Variants in KANK1 observed in about 807,000 individuals in gnomAD.
KANK1 encodes the protein KN motif and ankyrin repeat domain-containing protein 1.
KANK1 carries 109 observed loss-of-function variants against 106.2 expected under a neutral mutation model. The ratio of observed to expected loss-of-function variants is 1.03; its 90% CI spans 0.88 to 1.20. The LOEUF (loss-of-function observed/expected upper bound fraction) is 1.20, where lower values mean the gene tolerates loss of function less well. Ranked by LOEUF, KANK1 falls within the 50% of genes most tolerant of loss-of-function variation. The pLI is 0.00. For missense variants in KANK1, 2,399 were observed against 1,710.7 expected (o/e 1.40, Z -7.10); for synonymous variants, 873 against 652.2 (o/e 1.34, Z -5.16).
At position 745,310 on chromosome 9, in the gene KANK1, A is replaced by C. The variant is rs1487393536; in HGVS notation, c.*75A>C. ...GTTCCTGTTGGGGTGACAGATACTG[A>C]ATGTATACGTATTGTGCCTGAGCTC... On this transcript the variant is annotated 3_prime_UTR_variant, in exon 12 of 12. Coordinates refer to ENST00000382297, the MANE Select transcript of KANK1 (RefSeq NM_015158.5). The C allele has an allele frequency of 1.9e-6, 3 of 1,566,972 alleles. No individual in the cohort carries two copies.
intron 1 of KANK1, among the ~76,000 whole-genome samples, chr9:533,060 T>C (rs2060138225): frequency 6.6e-6 from 1 of 152,180 alleles, no homozygotes; most frequent in South Asian, 2.1e-4. Flanking sequence ...AAAGCACTTT[T>C]GAATATTTGC....
At chr9:701,092 C>G (rs768795340) in intron 2 of KANK1, among the ~76,000 whole-genome samples, 3 of 151,984 alleles carry the variant, frequency 2.0e-5, no homozygotes, top group Admixed American at 6.6e-5. Context: ...GTTATTGGCC[C>G]CAATAGGAAA....
intron 1 of KANK1, among the ~76,000 whole-genome samples, chr9:563,556 C>G (rs1817036908): frequency 6.6e-6 from 1 of 152,156 alleles, no homozygotes; most frequent in African/African-American, 2.4e-5. Flanking sequence ...AACAATCCTT[C>G]AGTGTAGGAT....
chr9:697,488 G>A (rs1393234903), intron 2 of KANK1, among the ~76,000 whole-genome samples: 2 of 152,108 alleles, frequency 1.3e-5, no homozygotes, highest in Admixed American at 6.6e-5. Context: ...AGTTGTAGAC[G>A]TTTCCAGGAA....
At chr9:547,428 T>C (rs927331438) in intron 1 of KANK1, 1 of 151,880 alleles carries the variant, frequency 6.6e-6, no homozygotes, top group African/African-American at 2.4e-5. Flanking sequence ...TGTGCAAGAA[T>C]GAAAACGAGC....
At chr9:542,654 G>C (rs192763829) in intron 1 of KANK1, among the ~76,000 whole-genome samples, 1 of 152,206 alleles carries the variant, frequency 6.6e-6, no homozygotes, top group Non-Finnish European at 1.5e-5. Flanking sequence ...GACAGTGGAA[G>C]TGTTCATCAG....
At chr9:589,879 C>A (rs1388827353) in intron 1 of KANK1, among the ~76,000 whole-genome samples, 2 of 152,120 alleles carry the variant, frequency 1.3e-5, no homozygotes, top group Non-Finnish European at 2.9e-5. Context: ...CTGCAGGATG[C>A]AGGAAGGACC....
chr9:583,292 G>C (rs1822627956), intron 1 of KANK1, among the ~76,000 whole-genome samples: 1 of 152,170 alleles, frequency 6.6e-6, no homozygotes, highest in Non-Finnish European at 1.5e-5. Flanking sequence ...CTGTAAAAGA[G>C]GAATGGAAAT....
Position 712,813 on chromosome 9 carries a change from T to A in KANK1, c.2047T>A (p.Phe683Ile). 6.2e-7 allele frequency: 1 copy of A among 1,613,804 alleles called. No individual in the cohort carries two copies. The highest frequency in any genetic ancestry group is 8.5e-7 in the Non-Finnish European group (1 of 1,179,916). ...CACAGATTTGGAACAGGTGCACCAGTTCACCAACACCGAGACGGCCACCCT... is the reference window on the plus strand; with the variant it reads ...CACAGATTTGGAACAGGTGCACCAGATCACCAACACCGAGACGGCCACCCT... Reference protein sequence around the residue: ...TSTDLEQVHQFTNTETATLIE... With the variant: ...TSTDLEQVHQITNTETATLIE... The change falls in exon 3 of 12, where the codon TTC becomes ATC. Residue 683 changes from phenylalanine (F) to isoleucine (I), a missense_variant. By Grantham distance (21) the Phe-to-Ile change is conservative. Transcript: ENST00000382297.
chr9:573,157 G>A (rs1389540835), intron 1 of KANK1, among the ~76,000 whole-genome samples: 2 of 152,206 alleles, frequency 1.3e-5, no homozygotes, highest in Admixed American at 6.5e-5. Flanking sequence ...CCAAAGGACA[G>A]TCTCTATAAT....
At chr9:744,881 G>C in intron 11 of KANK1, 1 of 1,411,484 alleles carries the variant, frequency 7.1e-7, no homozygotes, top group Non-Finnish European at 9.2e-7. Flanking sequence ...GAGCCCATGG[G>C]GATATTTCGC....
chr9:672,540 C>T (rs889570121), intron 1 of KANK1, among the ~76,000 whole-genome samples: 1 of 129,046 alleles, frequency 7.7e-6, no homozygotes, highest in Non-Finnish European at 1.8e-5. Flanking sequence ...CTGCCATCAA[C>T]ATTACCATCA....
chr9:584,634 A>G (rs1823003231), intron 1 of KANK1, among the ~76,000 whole-genome samples: 1 of 152,206 alleles, frequency 6.6e-6, no homozygotes, highest in Non-Finnish European at 1.5e-5. Flanking sequence ...GAGACTTGAT[A>G]ACATAGAGCT....
chr9:510,131 C>A (rs997723213), intron 1 of KANK1, among the ~76,000 whole-genome samples: 2 of 152,014 alleles, frequency 1.3e-5, no homozygotes, highest in African/African-American at 4.8e-5. Flanking sequence ...CTTTAAATTG[C>A]TAATATGTTA....
At chr9:656,423 G>T (rs1842155061) in intron 1 of KANK1, among the ~76,000 whole-genome samples, 1 of 152,158 alleles carries the variant, frequency 6.6e-6, no homozygotes, top group Admixed American at 6.5e-5. Flanking sequence ...GGAAATGGGT[G>T]GGGCTGAGCC....
At chr9:733,702 G>C (rs1327625782) in intron 6 of KANK1, 1 of 152,258 alleles carries the variant, frequency 6.6e-6, no homozygotes, top group African/African-American at 2.4e-5. Flanking sequence ...GAACCCTGGA[G>C]GTTGAGGCTG....
At chr9:511,079 TACTC>T (rs781588726) in intron 1 of KANK1, among the ~76,000 whole-genome samples, 52 of 152,202 alleles carry the variant, frequency 3.4e-4, no homozygotes, top group African/African-American at 1.2e-3. Flanking sequence ...ATGTTAGAAA[TACTC>T]AATATCGATA....
chr9:613,338 A>T (rs1304298316), intron 1 of KANK1, among the ~76,000 whole-genome samples: 1 of 150,894 alleles, frequency 6.6e-6, no homozygotes, highest in African/African-American at 2.4e-5. Flanking sequence ...TCGTTGCTGG[A>T]GATAGAGCAG....
chr9:513,567 T>A (rs1040987216), intron 1 of KANK1, among the ~76,000 whole-genome samples: 2 of 152,246 alleles, frequency 1.3e-5, no homozygotes, highest in African/African-American at 4.8e-5. Context: ...TTGCATTCAT[T>A]GTATATTGCA....
Sources: gnomAD v4.1 joint callset for allele counts (sites outside exome capture counted in the v4.1 genomes callset) on GRCh38, gnomAD v4.1.1 for gene constraint, MANE v1.5 for transcripts, NCBI Gene and HGNC (gene_info 2026-07-23, HGNC 2026-07-21) for gene names.